FBXO21: variants seen among roughly 807,000 people sequenced by gnomAD.
The protein encoded by FBXO21 is F-box protein 21.
In FBXO21, 32 loss-of-function variants were observed where a neutral mutation model predicts 76.6. That is an observed-to-expected ratio of 0.42 (90% CI 0.32 to 0.56). The LOEUF (loss-of-function observed/expected upper bound fraction) is 0.56, where lower values mean the gene tolerates loss of function less well. FBXO21 is among the 20% of genes least tolerant of loss of function. The probability of loss-of-function intolerance (pLI) is 0.16; values close to 1 mark genes in which losing one functional copy is unlikely to be tolerated. For synonymous variants in FBXO21, 328 were observed against 311.5 expected (o/e 1.05, Z -0.56); for missense variants, 586 against 797.3 (o/e 0.73, Z 3.19).
chr12:117,158,716 C>T (rs1955944893), intron 9 of FBXO21, among the ~76,000 whole-genome samples: 1 of 152,132 alleles, frequency 6.6e-6, no homozygotes, highest in Non-Finnish European at 1.5e-5. Flanking sequence ...GTGGTCTTAA[C>T]TCATCATGGT....
intron 4 of FBXO21, among the ~76,000 whole-genome samples, chr12:117,175,312 A>C (rs1444432349): frequency 6.6e-6 from 1 of 152,220 alleles, no homozygotes; most frequent in Non-Finnish European, 1.5e-5. Context: ...AGCTAACCCC[A>C]CTTTCCAATG....
intron 6 of FBXO21, 113 bp from the exon 7 acceptor site, chr12:117,172,720 A>C: frequency 8.9e-7 from 1 of 1,124,866 alleles, no homozygotes; most frequent in Non-Finnish European, 1.3e-6. Context: ...CTCATTTGTG[A>C]GGCTTAAGTG....
chr12:117,161,337 C>A (rs1955974371), intron 9 of FBXO21, among the ~76,000 whole-genome samples: 1 of 151,738 alleles, frequency 6.6e-6, no homozygotes, highest in African/African-American at 2.4e-5. Flanking sequence ...CAGGAGAGGA[C>A]CAAGGAACTC....
At chr12:117,168,637 G>A (rs1308663223) in intron 7 of FBXO21, among the ~76,000 whole-genome samples, 2 of 152,170 alleles carry the variant, frequency 1.3e-5, no homozygotes, top group African/African-American at 4.8e-5. Context: ...TATGAGGCTA[G>A]AACTTCCTAA....
intron 4 of FBXO21, among the ~76,000 whole-genome samples, chr12:117,177,220 G>A (rs569845919): frequency 6.6e-6 from 1 of 152,210 alleles, no homozygotes; most frequent in African/African-American, 2.4e-5. Context: ...GATCATTAAA[G>A]CTCGGAAAAA....
chr12:117,142,862 C>T lies in FBXO21; in HGVS notation c.*3225G>A, dbSNP rs992304127. 12 of 152,160 alleles carry T rather than the reference C, an allele frequency of 7.9e-5. No homozygotes were observed. Among genetic ancestry groups the T allele is most frequent in the Non-Finnish European group, 1.8e-4 (12 of 68,048 alleles). 9.4% of individuals were successfully genotyped at this position (152,160 alleles called of 1,614,324 possible). Reference sequence around the variant, plus strand: ...GAAAGCCTGCGACACGGCAGCTCTGCTCAGTTTTCTCCGTGGGGAAAGATC... The same window carrying T: ...GAAAGCCTGCGACACGGCAGCTCTGTTCAGTTTTCTCCGTGGGGAAAGATC... On this transcript the variant is annotated 3_prime_UTR_variant, in exon 12 of 12. Coordinates refer to ENST00000622495, the MANE Select transcript of FBXO21 (RefSeq NM_015002.3).
chr12:117,171,783 T>C (rs1177717323), intron 7 of FBXO21, among the ~76,000 whole-genome samples: 2 of 152,222 alleles, frequency 1.3e-5, no homozygotes, highest in Non-Finnish European at 2.9e-5. Context: ...ACTTTTTTCT[T>C]TTTCCCCTAA....
chr12:117,174,159 C>T lies in FBXO21; in HGVS notation c.876+46G>A. On this transcript the variant is annotated intron_variant, in intron 6 of 11. Transcript: ENST00000622495. Reference sequence around the variant, plus strand: ...CTCTAAAAACAGAAAAAAAAAGTTACTATACCTATATTACTATACCCATAT... The same window carrying T: ...CTCTAAAAACAGAAAAAAAAAGTTATTATACCTATATTACTATACCCATAT... The T allele has an allele frequency of 2.0e-6, 3 of 1,486,320 alleles. No individual in the cohort carries two copies. The African/African-American group carries it at 4.2e-5, about 21-fold the overall frequency. The allele number at this position is 1,486,320 out of a possible 1,614,324, so 92.1% of individuals were successfully genotyped here. A position where few individuals can be genotyped will look rare whatever the true frequency, so the allele number is the denominator to read the frequency against.
intron 9 of FBXO21, among the ~76,000 whole-genome samples, chr12:117,163,327 G>A (rs1464078413): frequency 1.3e-5 from 2 of 152,108 alleles, no homozygotes; most frequent in Non-Finnish European, 1.5e-5. Flanking sequence ...GAGGTCAGGA[G>A]TTCAAGACCA....
At chr12:117,149,375 T>G (rs1051963968) in intron 11 of FBXO21, among the ~76,000 whole-genome samples, 1 of 152,048 alleles carries the variant, frequency 6.6e-6, no homozygotes, top group African/African-American at 2.4e-5. Context: ...GAGACAAAAA[T>G]CCCCTTTGCT....
intron 11 of FBXO21, 183 bp downstream of exon 11, chr12:117,155,608 G>A (rs1955906041): frequency 4.4e-6 from 3 of 675,388 alleles, no homozygotes; most frequent in Non-Finnish European, 7.5e-6. Flanking sequence ...CCCTCGCCAG[G>A]GCGGCACCTG....
chr12:117,165,635 ATGTT>A lies in FBXO21; in HGVS notation c.1194-22_1194-19del. ...TGCCTTCCCTAGCAGAGGAAAAACAATGTTTGTCTCATCCTGCTTGTTTTTTCAG... is the reference window on the plus strand; with the variant it reads ...TGCCTTCCCTAGCAGAGGAAAAACAATGTCTCATCCTGCTTGTTTTTTCAG... On this transcript the variant is annotated intron_variant, in intron 8 of 11. Transcript: ENST00000622495. 6.3e-7 allele frequency: 1 copy of A among 1,582,354 alleles called. No individual in the cohort carries two copies. The highest frequency in any genetic ancestry group is 8.6e-7 in the Non-Finnish European group (1 of 1,160,036).
At chr12:117,160,481 A>G (rs1243567885) in intron 9 of FBXO21, among the ~76,000 whole-genome samples, 1 of 152,202 alleles carries the variant, frequency 6.6e-6, no homozygotes, top group African/African-American at 2.4e-5. Context: ...GTCAGGATGA[A>G]TGCATCATAC....
chr12:117,144,501 G>C lies in FBXO21; in HGVS notation c.*1586C>G, dbSNP rs1955747024. 6.6e-6 allele frequency: 1 copy of C among 152,150 alleles called. No individual in the cohort carries two copies. The allele number at this position is 152,150 out of a possible 1,614,324, so 9.4% of individuals were successfully genotyped here. On this transcript the variant is annotated 3_prime_UTR_variant, in exon 12 of 12. Transcript: ENST00000622495. ...CCCTTGCTATGAAGTGGTCTCAGGTGGCTTTCCAAACCTTGGTCACCCCAG... is the reference window on the plus strand; with the variant it reads ...CCCTTGCTATGAAGTGGTCTCAGGTCGCTTTCCAAACCTTGGTCACCCCAG...
intron 1 of FBXO21, among the ~76,000 whole-genome samples, chr12:117,189,855 CCAG>C (rs1177487030): frequency 1.3e-5 from 2 of 152,220 alleles, no homozygotes; most frequent in Admixed American, 1.3e-4. Flanking sequence ...CCGTCCACAA[CCAG>C]CCCGGGGATG....
At chr12:117,165,654 T>C (rs781535357) in intron 8 of FBXO21, 37 bp from the exon 9 acceptor site, 6 of 1,530,818 alleles carry the variant, frequency 3.9e-6, no homozygotes, top group Non-Finnish European at 8.9e-7. Context: ...TCATCCTGCT[T>C]GTTTTTTCAG....
chr12:117,174,224 A>G lies in FBXO21; in HGVS notation c.857T>C (p.Leu286Pro). The change falls in exon 6 of 12, where the codon CTC (leucine) becomes CCC (proline). Residue 286 changes from leucine to proline, a missense_variant. Around this residue, in one of 6 missense-constraint regions of FBXO21, gnomAD observed 246 missense variants for 356.8 expected, o/e 0.69. Coordinates refer to ENST00000622495, the MANE Select transcript of FBXO21 (RefSeq NM_015002.3). ...KGNRMDYYNA[L>P]NLYMHQVLIR... is the part of the protein sequence containing the mutation. ...ATTTACCTGATGCATATATAAGTTG[A>G]GGGCATTATAGTAATCCATTCGATT... 6.2e-7 allele frequency: 1 copy of G among 1,612,474 alleles called. No homozygotes were observed. The highest frequency in any genetic ancestry group is 8.5e-7 in the Non-Finnish European group (1 of 1,178,452).
At chr12:117,181,995 GA>G (rs764303716) in intron 3 of FBXO21, among the ~76,000 whole-genome samples, 2 of 151,898 alleles carry the variant, frequency 1.3e-5, no homozygotes, top group Non-Finnish European at 2.9e-5. Context: ...TTTATTGTAG[GA>G]CATACTCGTT....
chr12:117,189,608 A>C (rs1258627245), intron 1 of FBXO21, among the ~76,000 whole-genome samples: 1 of 152,098 alleles, frequency 6.6e-6, no homozygotes, highest in Non-Finnish European at 1.5e-5. Context: ...AACAACAACA[A>C]TAATAATAAT....
Sources: allele counts gnomAD v4.1 joint callset (sites outside exome capture counted in the v4.1 genomes callset), GRCh38; gene constraint gnomAD v4.1.1; regional missense constraint gnomAD v4.1.1; transcripts MANE v1.5; gene names NCBI Gene and HGNC (gene_info 2026-07-23, HGNC 2026-07-21).